Variants in BACH1 observed in about 807,000 individuals in gnomAD.
BACH1 encodes transcription regulator protein BACH1.
BACH1 carries 35 observed loss-of-function variants against 52.9 expected under a neutral mutation model. The observed-to-expected ratio is 0.66, with a 90% CI of 0.51 to 0.88. The LOEUF is 0.88. Among genes scored for constraint, BACH1 ranks in the 40% least tolerant of loss-of-function variants. The probability of loss-of-function intolerance (pLI) is 0.00; values close to 1 mark genes in which losing one functional copy is unlikely to be tolerated. For synonymous variants in BACH1, 321 were observed against 319.6 expected (o/e 1.00, Z -0.05); for missense variants, 808 against 872.6 (o/e 0.93, Z 0.93).
At chr21:29,324,523 T>C (rs1443894024) in intron 2 of BACH1, among the ~76,000 whole-genome samples, 1 of 152,026 alleles carries the variant, frequency 6.6e-6, no homozygotes, top group African/African-American at 2.4e-5. Flanking sequence ...TTCCTTTTTA[T>C]TGCTGAGTAA....
At chr21:29,347,353 C>T (rs1255148160), downstream of BACH1, among the ~76,000 whole-genome samples, 1 of 152,140 alleles carries the variant, frequency 6.6e-6, no homozygotes, top group East Asian at 1.9e-4. Context: ...GCAAATTCCA[C>T]AAGTAAGGGG....
At chr21:29,328,980 C>A (rs1569017032) in intron 3 of BACH1, among the ~76,000 whole-genome samples, 1 of 152,166 alleles carries the variant, frequency 6.6e-6, no homozygotes, top group East Asian at 1.9e-4. Context: ...GTTTCCATAT[C>A]ATGGCTATTG....
In BACH1 at chr21:29,327,316, A is replaced by G; in HGVS notation, c.1492A>G (p.Ile498Val). Reference sequence around the variant, plus strand: ...AGAACCTTGCCCATATGCTTGTGTCATTAGCTTGGGAGACGACTCTGAGAC... The same window carrying G: ...AGAACCTTGCCCATATGCTTGTGTCGTTAGCTTGGGAGACGACTCTGAGAC... ...QQEPCPYACVISLGDDSETDT... is the reference protein window; with the variant it reads ...QQEPCPYACVVSLGDDSETDT... The change falls in exon 3 of 5, where the codon ATT (isoleucine) becomes GTT (valine). Residue 498 changes from isoleucine (I) to valine (V), a missense_variant. Physicochemically the swap from Ile to Val is conservative, Grantham distance 29. Coordinates refer to ENST00000286800, the MANE Select transcript of BACH1 (RefSeq NM_001186.4). 2 of 1,614,244 alleles carry G rather than the reference A, an allele frequency of 1.2e-6. No individual in the cohort carries two copies. Among genetic ancestry groups the G allele is most frequent in the Non-Finnish European group, 1.7e-6 (2 of 1,180,046 alleles).
At chr21:29,320,855 T>TTC (rs1388084734) in intron 1 of BACH1, among the ~76,000 whole-genome samples, 2 of 151,754 alleles carry the variant, frequency 1.3e-5, no homozygotes, top group South Asian at 2.1e-4. Context: ...CTCTCCTGCC[T>TTC]TCTCTCTCTC....
intron 4 of BACH1, among the ~76,000 whole-genome samples, chr21:29,333,296 G>A (rs2089006411): frequency 6.6e-6 from 1 of 152,176 alleles, no homozygotes; most frequent in Non-Finnish European, 1.5e-5. Flanking sequence ...AAAACTAGGA[G>A]GGTTACAGCC....
intron 1 of BACH1, among the ~76,000 whole-genome samples, chr21:29,311,452 C>A (rs1224512201): frequency 6.6e-6 from 1 of 151,212 alleles, no homozygotes; most frequent in Admixed American, 6.6e-5. Flanking sequence ...GTACAGAGAA[C>A]AACCTTATCT....
rs1483323447 is a variant in BACH1, at chr21:29,344,840, G to T, written c.*2007G>T. 1.3e-5 allele frequency: 2 copies of T among 152,522 alleles called. No individual in the cohort carries two copies. The highest frequency in any genetic ancestry group is 1.9e-4 in the East Asian group (1 of 5,202). The allele number at this position is 152,522 out of a possible 1,614,324, so 9.4% of individuals were successfully genotyped here. The stretch of plus-strand genomic sequence containing the variant: ...TACCTCAGTGTACACCCAACTATTG[G>T]TTGTATCAGTTTGTGTATGTGCAAA... On this transcript the variant is annotated 3_prime_UTR_variant, in exon 5 of 5. Transcript: ENST00000286800.
At chr21:29,357,383 G>T (rs1382488501) in intron 2 of BACH1, among the ~76,000 whole-genome samples, 1 of 152,192 alleles carries the variant, frequency 6.6e-6, no homozygotes, top group Non-Finnish European at 1.5e-5. Context: ...CAATTTGTTG[G>T]CAGTCACGCT....
At chr21:29,359,703 G>T (rs191414186) in intron 2 of BACH1, among the ~76,000 whole-genome samples, 523 of 151,926 alleles carry the variant, frequency 3.4e-3, no homozygotes, top group Admixed American at 6.2e-3. Context: ...TAACTACAAA[G>T]AAAAACAATA....
At chr21:29,361,264 G>A (rs935963596) in intron 2 of BACH1, 3 of 152,140 alleles carry the variant, frequency 2.0e-5, no homozygotes, top group Non-Finnish European at 4.4e-5. Context: ...TGCCATTTGA[G>A]TTATCAGTAT....
intron 1 of BACH1, among the ~76,000 whole-genome samples, chr21:29,309,056 G>A (rs1436985839): frequency 5.9e-5 from 9 of 152,226 alleles, no homozygotes; most frequent in Admixed American, 4.6e-4. Context: ...TCAGGAGTTC[G>A]AGACCAGCCT....
intron 2 of BACH1, among the ~76,000 whole-genome samples, chr21:29,353,350 C>T (rs929994435): frequency 6.6e-6 from 1 of 152,092 alleles, no homozygotes; most frequent in Non-Finnish European, 1.5e-5. Flanking sequence ...TACCAGAAGG[C>T]CCCATGACAC....
intron 1 of BACH1, among the ~76,000 whole-genome samples, chr21:29,307,213 A>T (rs909238083): frequency 2.0e-5 from 3 of 152,128 alleles, no homozygotes; most frequent in African/African-American, 7.2e-5. Context: ...TTTTCTACAC[A>T]CTCATTCCCC....
chr21:29,343,163 A>AGT lies in BACH1; in HGVS notation c.*330_*331insGT, dbSNP rs2089134898. 5.7e-6 allele frequency: 1 copy of AGT among 176,290 alleles called. No homozygotes were observed. Among genetic ancestry groups the AGT allele is most frequent in the Admixed American group, 5.5e-5 (1 of 18,040 alleles). The allele number at this position is 176,290 out of a possible 1,614,324, so 10.9% of individuals were successfully genotyped here. A position where few individuals can be genotyped will look rare whatever the true frequency, so the allele number is the denominator to read the frequency against. ...TGAAAACTGCAGCATATCAGACAGC[A>AGT]ATTTAACAGCTTGAAACATCTACAG... On this transcript the variant is annotated 3_prime_UTR_variant, in exon 5 of 5. Transcript: ENST00000286800.
At chr21:29,312,234 T>A (rs1330885671) in intron 1 of BACH1, among the ~76,000 whole-genome samples, 1 of 152,196 alleles carries the variant, frequency 6.6e-6, no homozygotes, top group South Asian at 2.1e-4. Context: ...CATTCTTTGC[T>A]TTTTTCCCCT....
chr21:29,302,485 T>G (rs1035810552), intron 1 of BACH1, among the ~76,000 whole-genome samples: 1 of 152,212 alleles, frequency 6.6e-6, no homozygotes, highest in African/African-American at 2.4e-5. Context: ...CCAGACTGCT[T>G]AAGGTCAGGT....
chr21:29,348,965 G>A (rs2089187106), downstream of BACH1, among the ~76,000 whole-genome samples: 1 of 152,004 alleles, frequency 6.6e-6, no homozygotes, highest in South Asian at 2.1e-4. Context: ...GTGGTGGCAG[G>A]TGCCTGTAGT....
intron 1 of BACH1, among the ~76,000 whole-genome samples, chr21:29,319,743 GT>G (rs2088827595): frequency 6.7e-6 from 1 of 149,094 alleles, no homozygotes. Flanking sequence ...CAGGGACATA[GT>G]AGGGCAGGTG....
chr21:29,317,842 C>A (rs2088805892), intron 1 of BACH1, among the ~76,000 whole-genome samples: 1 of 152,124 alleles, frequency 6.6e-6, no homozygotes, highest in South Asian at 2.1e-4. Flanking sequence ...AACTTCAGAA[C>A]ATCTCAGCGA....
Sources: gnomAD v4.1 joint callset for allele counts (sites outside exome capture counted in the v4.1 genomes callset) on GRCh38, gnomAD v4.1.1 for gene constraint, MANE v1.5 for transcripts, NCBI Gene and HGNC (gene_info 2026-07-23, HGNC 2026-07-21) for gene names.